The following ANK3 variants were observed in gnomAD, a reference collection of about 807,000 sequenced individuals.
ANK3 encodes the protein ankyrin-3.
In ANK3, 57 loss-of-function variants were observed where a neutral mutation model predicts 370.9. The observed-to-expected ratio is 0.15, with a 90% CI of 0.12 to 0.19. ANK3 has a LOEUF of 0.19. Among genes scored for constraint, ANK3 ranks in the 10% least tolerant of loss-of-function variants. The pLI is 1.00. For synonymous variants in ANK3, 1,929 were observed against 1,946.3 expected, an observed-to-expected ratio of 0.99 and a Z score of 0.23; for missense variants, 4,439 against 5,302.1, an observed-to-expected ratio of 0.84 and a Z score of 5.06.
chr10:60,439,463 G>T (rs193045125), intron 2 of ANK3, among the ~76,000 whole-genome samples: 1 of 152,108 alleles, frequency 6.6e-6, no homozygotes, highest in East Asian at 1.9e-4. Context: ...TTCGAGACCT[G>T]CCAGGGCAAC....
At chr10:60,722,740 AGTGAGATCTC>A (rs969521638) in intron 1 of ANK3, among the ~76,000 whole-genome samples, 2 of 152,114 alleles carry the variant, frequency 1.3e-5, no homozygotes, top group Admixed American at 1.3e-4. Flanking sequence ...CTTGGTGATG[AGTGAGATCTC>A]ACTCAGTGAG....
At chr10:60,422,322 G>A (rs1450543220) in intron 2 of ANK3, among the ~76,000 whole-genome samples, 1 of 152,060 alleles carries the variant, frequency 6.6e-6, no homozygotes, top group Admixed American at 6.6e-5. Flanking sequence ...TACCTGCTGA[G>A]CATCTTCTAT....
chr10:60,658,618 C>T (rs1256696057), intron 1 of ANK3, among the ~76,000 whole-genome samples: 17 of 152,120 alleles, frequency 1.1e-4, no homozygotes, highest in Admixed American at 1.1e-3. Flanking sequence ...ATCTCTGGTG[C>T]TCTGCATTCT....
chr10:60,673,617 G>T (rs111230558), intron 1 of ANK3, among the ~76,000 whole-genome samples: 1,791 of 152,280 alleles, frequency 0.012, 33 homozygotes, highest in African/African-American at 0.04. Context: ...CTCCCAAGGT[G>T]CTGGGATTAC....
chr10:60,572,572 G>A (rs773256407), intron 2 of ANK3: 4 of 1,529,456 alleles, frequency 2.6e-6, no homozygotes, highest in South Asian at 1.2e-5. Context: ...GATCACCGCC[G>A]GTATTCCAAC....
chr10:60,245,038 G>T (rs912006149), intron 7 of ANK3, among the ~76,000 whole-genome samples: 1 of 152,100 alleles, frequency 6.6e-6, no homozygotes, highest in Admixed American at 6.6e-5. Flanking sequence ...GCGTGGTAGC[G>T]GGCACCTGTA....
At chr10:60,200,354 A>G in intron 12 of ANK3, 127 bp from the exon 13 acceptor site, 2 of 736,802 alleles carry the variant, frequency 2.7e-6, no homozygotes, top group Non-Finnish European at 4.8e-6. Flanking sequence ...TCCTTATTGA[A>G]AAGATAGGAA....
At chr10:60,145,974 C>T (rs1386810203) in intron 23 of ANK3, 2 of 925,826 alleles carry the variant, frequency 2.2e-6, no homozygotes, top group African/African-American at 1.6e-5. Flanking sequence ...TTACTTTTCA[C>T]CGTAAACTCT....
intron 2 of ANK3, among the ~76,000 whole-genome samples, chr10:60,528,560 T>C (rs1359046037): frequency 6.6e-6 from 1 of 152,222 alleles, no homozygotes; most frequent in African/African-American, 2.4e-5. Flanking sequence ...TGCAGTTTTA[T>C]ACGGCTCAGC....
intron 4 of ANK3, among the ~76,000 whole-genome samples, chr10:60,277,696 C>A (rs1301108753): frequency 1.3e-5 from 2 of 152,078 alleles, no homozygotes; most frequent in African/African-American, 2.4e-5. Flanking sequence ...TGCCATGTAC[C>A]CACAGCTCAG....
intron 1 of ANK3, among the ~76,000 whole-genome samples, chr10:60,652,334 C>T (rs2078800059): frequency 6.6e-6 from 1 of 152,024 alleles, no homozygotes. Context: ...CCCAGGAGAT[C>T]AAGGCTGCAG....
chr10:60,242,665 A>T (rs372139396), intron 7 of ANK3, among the ~76,000 whole-genome samples: 9 of 152,290 alleles, frequency 5.9e-5, no homozygotes, highest in African/African-American at 2.2e-4. Context: ...TTATCTCCTC[A>T]TCTGTGCGGT....
chr10:60,345,751 C>T (rs765719243), intron 1 of ANK3, among the ~76,000 whole-genome samples: 7 of 152,202 alleles, frequency 4.6e-5, no homozygotes, highest in African/African-American at 7.2e-5. Context: ...TTAAAAATCA[C>T]GAGTCTTATA....
intron 18 of ANK3, among the ~76,000 whole-genome samples, chr10:60,176,013 T>A (rs960470854): frequency 6.6e-6 from 1 of 151,932 alleles, no homozygotes; most frequent in Non-Finnish European, 1.5e-5. Context: ...ATATTTTAAA[T>A]CTTTGGTAAA....
At chr10:60,639,646 AT>A (rs1272477667) in intron 1 of ANK3, among the ~76,000 whole-genome samples, 46 of 152,062 alleles carry the variant, frequency 3.0e-4, no homozygotes, top group African/African-American at 1.1e-3. Context: ...TGAATATATA[AT>A]GATATTAAAT....
intron 1 of ANK3, among the ~76,000 whole-genome samples, chr10:60,722,203 T>G (rs2079873954): frequency 6.6e-6 from 1 of 151,936 alleles, no homozygotes. Flanking sequence ...GCAAAGAAAT[T>G]TTAATTATTG....
chr10:60,460,133 G>C (rs1285302358), intron 2 of ANK3, among the ~76,000 whole-genome samples: 1 of 152,088 alleles, frequency 6.6e-6, no homozygotes, highest in East Asian at 1.9e-4. Flanking sequence ...CTATTCCTGA[G>C]CTTAGCTGTA....
chr10:60,585,931 G>A (rs2077824959), intron 2 of ANK3, among the ~76,000 whole-genome samples: 1 of 152,052 alleles, frequency 6.6e-6, no homozygotes, highest in South Asian at 2.1e-4. Flanking sequence ...GGCTAAGGCA[G>A]GGGAATTGAT....
intron 2 of ANK3, among the ~76,000 whole-genome samples, chr10:60,449,544 T>C (rs2064541498): frequency 6.6e-6 from 1 of 152,198 alleles, no homozygotes; most frequent in Non-Finnish European, 1.5e-5. Flanking sequence ...ATATTCAGAT[T>C]GTACTTAAGA....
Sources: gnomAD v4.1 joint callset for allele counts (sites outside exome capture counted in the v4.1 genomes callset) on GRCh38, gnomAD v4.1.1 for gene constraint, MANE v1.5 for transcripts, NCBI Gene and HGNC (gene_info 2026-07-23, HGNC 2026-07-21) for gene names.